RFX3: variants seen among roughly 807,000 people sequenced by gnomAD.
RFX3 encodes regulatory factor X3.
A neutral mutation model predicts 98.6 loss-of-function variants in RFX3; 14 were observed. That is an observed-to-expected ratio of 0.14 (90% CI 0.09 to 0.22). RFX3 has a LOEUF of 0.22. Among genes scored for constraint, RFX3 ranks in the 10% least tolerant of loss-of-function variants. RFX3 has a pLI of 1.00. For synonymous variants in RFX3, 383 were observed against 328.4 expected (o/e 1.17, Z -1.80); for missense variants, 639 against 926.9 (o/e 0.69, Z 4.03).
At chr9:3,300,794 A>G (rs1204006676) in intron 5 of RFX3, among the ~76,000 whole-genome samples, 1 of 151,910 alleles carries the variant, frequency 6.6e-6, no homozygotes, top group Non-Finnish European at 1.5e-5. Context: ...ACAAATTTTT[A>G]TTCAGCATTT....
intron 15 of RFX3, among the ~76,000 whole-genome samples, chr9:3,230,632 T>A (rs1243280254): frequency 6.6e-6 from 1 of 152,176 alleles, no homozygotes; most frequent in African/African-American, 2.4e-5. Flanking sequence ...AAACAGAGAA[T>A]GTTCAAAACT....
At chr9:3,516,548 A>G (rs1330578007) in intron 1 of RFX3, among the ~76,000 whole-genome samples, 1 of 152,238 alleles carries the variant, frequency 6.6e-6, no homozygotes, top group East Asian at 1.9e-4. Flanking sequence ...GGGACCCCAA[A>G]GTAGTCCAAA....
In RFX3 at chr9:3,277,544, G is replaced by A. The variant is rs1825394955; in HGVS notation, c.852-83C>T. The A allele has an allele frequency of 5.0e-6, 6 of 1,210,936 alleles. No individual in the cohort carries two copies. In the African/African-American group the frequency reaches 7.6e-5, roughly 15 times the overall value. The allele number at this position is 1,210,936 out of a possible 1,614,324, so 75.0% of individuals were successfully genotyped here. On this transcript the variant is annotated intron_variant, in intron 7 of 16. Coordinates refer to ENST00000617270, the MANE Select transcript of RFX3 (RefSeq NM_001282116.2). ...CTACCCGAAACTCCCAAAGCATTCAGTTTTATTCTATCTTCTTTAACGTCT... is the reference window on the plus strand; with the variant it reads ...CTACCCGAAACTCCCAAAGCATTCAATTTTATTCTATCTTCTTTAACGTCT...
chr9:3,494,097 C>T (rs1272579439), intron 1 of RFX3, among the ~76,000 whole-genome samples: 1 of 152,016 alleles, frequency 6.6e-6, no homozygotes, highest in Non-Finnish European at 1.5e-5. Context: ...GAAGATATCA[C>T]GTATCTTTTA....
chr9:3,248,107 G>A lies in RFX3; in HGVS notation c.1893C>T (p.Asp631=), dbSNP rs527323903. 1.7e-5 allele frequency: 28 copies of A among 1,613,884 alleles called. No homozygotes were observed. The highest frequency in any genetic ancestry group is 8.0e-5 in the African/African-American group (6 of 75,006). ...GSFHLIRLLY[D]EYMFYLVEHR... The stretch of plus-strand genomic sequence containing the variant: ...GTTCTACTAAGTAAAACATATATTC[G>A]TCGTAGAGTAGACGGATCAGGTGGA... The change falls in exon 15 of 17, where the codon GAC becomes GAT. Residue 631 remains aspartate, a synonymous_variant. Coordinates refer to ENST00000617270, the MANE Select transcript of RFX3 (RefSeq NM_001282116.2).
At chr9:3,433,177 T>C (rs1254000568) in intron 1 of RFX3, among the ~76,000 whole-genome samples, 1 of 152,122 alleles carries the variant, frequency 6.6e-6, no homozygotes, top group East Asian at 1.9e-4. Context: ...TGAATCCATG[T>C]AGCTCAAGCC....
intron 1 of RFX3, among the ~76,000 whole-genome samples, chr9:3,525,294 G>T (rs1819152411): frequency 6.6e-6 from 1 of 152,158 alleles, no homozygotes; most frequent in Non-Finnish European, 1.5e-5. Context: ...GTCTATTTCG[G>T]CTTTGAAAGA....
chr9:3,410,948 T>C (rs1842416423), intron 1 of RFX3, among the ~76,000 whole-genome samples: 1 of 152,144 alleles, frequency 6.6e-6, no homozygotes, highest in Non-Finnish European at 1.5e-5. Flanking sequence ...TAAAGCAAGG[T>C]AGAAGCAAAC....
intron 2 of RFX3, among the ~76,000 whole-genome samples, chr9:3,369,995 A>ATTTTTTTTTTTTTT (rs71324244): frequency 5.3e-5 from 7 of 132,640 alleles, no homozygotes; most frequent in African/African-American, 1.8e-4. Flanking sequence ...CGCCCGGCTA[A>ATTTTTTTTTTTTTT]TTTTTTTTTT....
intron 1 of RFX3, among the ~76,000 whole-genome samples, chr9:3,524,905 A>G (rs1819091826): frequency 6.6e-6 from 1 of 151,704 alleles, no homozygotes; most frequent in Admixed American, 6.6e-5. Context: ...GACAGACTTT[A>G]AAAAAGAAAA....
intron 2 of RFX3, among the ~76,000 whole-genome samples, chr9:3,370,487 A>T (rs1442062206): frequency 6.6e-6 from 1 of 151,370 alleles, no homozygotes; most frequent in Non-Finnish European, 1.5e-5. Flanking sequence ...TTTTTTAAAA[A>T]CTATTAATTA....
At chr9:3,410,464 A>C (rs1327791018) in intron 1 of RFX3, among the ~76,000 whole-genome samples, 1 of 152,096 alleles carries the variant, frequency 6.6e-6, no homozygotes, top group East Asian at 1.9e-4. Context: ...AAAAAGACTA[A>C]TTTCTAGTTT....
At chr9:3,512,681 C>G (rs1210891913) in intron 1 of RFX3, among the ~76,000 whole-genome samples, 1 of 151,906 alleles carries the variant, frequency 6.6e-6, no homozygotes, top group African/African-American at 2.4e-5. Flanking sequence ...AAATTTCCAA[C>G]AAACAAAAAA....
intron 1 of RFX3, among the ~76,000 whole-genome samples, chr9:3,476,746 C>G (rs1477933800): frequency 6.6e-6 from 1 of 152,034 alleles, no homozygotes; most frequent in Non-Finnish European, 1.5e-5. Flanking sequence ...ATGTTACAAA[C>G]AAAAACGCAT....
intron 6 of RFX3, among the ~76,000 whole-genome samples, chr9:3,292,737 T>C (rs528856153): frequency 1.1e-5 from 1 of 92,306 alleles, no homozygotes; most frequent in Non-Finnish European, 1.9e-5. Context: ...AGAGAATACA[T>C]TTTTATGTGC....
intron 1 of RFX3, among the ~76,000 whole-genome samples, chr9:3,451,278 A>T (rs1385795315): frequency 1.3e-5 from 2 of 152,156 alleles, no homozygotes; most frequent in African/African-American, 4.8e-5. Context: ...GGGCACAGGG[A>T]CTCACACCTG....
chr9:3,310,569 G>C (rs565455454), intron 4 of RFX3, among the ~76,000 whole-genome samples: 34 of 152,242 alleles, frequency 2.2e-4, no homozygotes, highest in African/African-American at 7.2e-4. Flanking sequence ...AAATGGAATA[G>C]TACAATGCTT....
In RFX3 at chr9:3,504,171, T is replaced by C. The variant is rs910205252; in HGVS notation, c.-9+21576A>G. Reference sequence around the variant, plus strand: ...TATACATATTATATATTATATATATTATATATTATACATATTATATATTAT... The same window carrying C: ...TATACATATTATATATTATATATATCATATATTATACATATTATATATTAT... On this transcript the variant is annotated intron_variant, in intron 1 of 16. Coordinates refer to ENST00000617270, the MANE Select transcript of RFX3 (RefSeq NM_001282116.2). Among the ~76,000 whole-genome samples, 3 of 98,414 alleles carry C rather than the reference T, an allele frequency of 3.0e-5. No homozygotes were observed. The Admixed American group carries it at 3.6e-4, about 12-fold the overall frequency. The allele number at this position is 98,414 out of a possible 152,430, so 64.6% of individuals were successfully genotyped here.
chr9:3,519,370 T>C (rs1053231131), intron 1 of RFX3, among the ~76,000 whole-genome samples: 3 of 152,272 alleles, frequency 2.0e-5, no homozygotes, highest in Admixed American at 6.5e-5. Context: ...TATTATTTAA[T>C]GAGTATAAAT....
Sources: allele counts gnomAD v4.1 joint callset (sites outside exome capture counted in the v4.1 genomes callset), GRCh38; gene constraint gnomAD v4.1.1; transcripts MANE v1.5; gene names NCBI Gene and HGNC (gene_info 2026-07-23, HGNC 2026-07-21).